Variants in SPOP observed in about 807,000 individuals in gnomAD.
SPOP encodes the protein speckle type BTB/POZ protein, also known as speckle-type POZ protein.
Under a neutral mutation model 45.6 loss-of-function variants are expected in SPOP, and 11 were observed. That is an observed-to-expected ratio of 0.24 (90% CI 0.15 to 0.40). The LOEUF (loss-of-function observed/expected upper bound fraction) is 0.40, where lower values mean the gene tolerates loss of function less well. Among genes scored for constraint, SPOP ranks in the 10% least tolerant of loss-of-function variants. SPOP has a pLI of 1.00. For missense variants in SPOP, 152 were observed against 465.6 expected (o/e 0.33, Z 6.20); for synonymous variants, 166 against 166.3 (o/e 1.00, Z 0.01).
chr17:49,629,498 A>G (rs2072408336), intron 1 of SPOP, among the ~76,000 whole-genome samples: 1 of 152,204 alleles, frequency 6.6e-6, no homozygotes, highest in African/African-American at 2.4e-5. Flanking sequence ...TCAAGTATAT[A>G]TTTATTCTAC....
rs2071705496 is a variant in SPOP, at chr17:49,599,739, T to C, written c.*639A>G. 4.9e-6 allele frequency: 1 copy of C among 204,062 alleles called. No homozygotes were observed. Among genetic ancestry groups the C allele is most frequent in the Non-Finnish European group, 1.0e-5 (1 of 99,442 alleles). 12.6% of individuals were successfully genotyped at this position (204,062 alleles called of 1,614,324 possible). Reference sequence around the variant, plus strand: ...TCCAGATCAAATAACCTTCCCCTTTTGCCTTCACTTGTCATTTTTCATAAA... The same window carrying C: ...TCCAGATCAAATAACCTTCCCCTTTCGCCTTCACTTGTCATTTTTCATAAA... On this transcript the variant is annotated 3_prime_UTR_variant, in exon 10 of 10. Transcript: ENST00000504102.
intron 1 of SPOP, among the ~76,000 whole-genome samples, chr17:49,663,150 A>T (rs370053820): frequency 1.2e-4 from 18 of 152,320 alleles, no homozygotes; most frequent in South Asian, 8.3e-4. Context: ...AGGAGGTGAG[A>T]GGTGGACGGG....
intron 1 of SPOP, among the ~76,000 whole-genome samples, chr17:49,626,789 T>C (rs891984323): frequency 6.6e-6 from 1 of 152,340 alleles, no homozygotes; most frequent in East Asian, 1.9e-4. Context: ...AGTTGCACTT[T>C]CACAGAGTAA....
Position 49,607,349 on chromosome 17 carries a change from C to T in SPOP, c.738G>A (p.Val246=), listed in dbSNP as rs546426832. 9.9e-6 allele frequency: 16 copies of T among 1,613,678 alleles called. No homozygotes were observed. In the Admixed American group the frequency reaches 2.7e-4, roughly 27 times the overall value. The change falls in exon 8 of 10, where the codon GTG becomes GTA. Residue 246 remains valine (V), a synonymous_variant. Transcript: ENST00000504102. ...SKKNRVEIND[V]EPEVFKEMMC... is the part of the protein sequence containing the mutation. ...TCATTTCCTTAAAAACTTCAGGCTC[C>T]ACATCATTGATTTCAACTCGATTCT... is the stretch of plus-strand genomic sequence containing the variant.
At chr17:49,673,802 A>G (rs1335536135) in intron 1 of SPOP, among the ~76,000 whole-genome samples, 2 of 152,086 alleles carry the variant, frequency 1.3e-5, no homozygotes, top group African/African-American at 4.8e-5. Flanking sequence ...TCTGTTTTCT[A>G]ATTGTTCTCT....
intron 1 of SPOP, among the ~76,000 whole-genome samples, chr17:49,655,165 T>G (rs1481845400): frequency 2.0e-5 from 3 of 152,204 alleles, no homozygotes; most frequent in Non-Finnish European, 4.4e-5. Flanking sequence ...GTTCTCAATT[T>G]TCCATATTAA....
At chr17:49,652,839 A>G (rs1056304184) in intron 1 of SPOP, among the ~76,000 whole-genome samples, 1 of 152,194 alleles carries the variant, frequency 6.6e-6, no homozygotes, top group African/African-American at 2.4e-5. Flanking sequence ...TGGGCCCCTC[A>G]AAGTTACAAA....
chr17:49,657,581 T>C (rs1486031411), intron 1 of SPOP, among the ~76,000 whole-genome samples: 3 of 151,610 alleles, frequency 2.0e-5, no homozygotes, highest in Non-Finnish European at 2.9e-5. Context: ...GTATTTTTAA[T>C]AGGGACGGGG....
In SPOP at chr17:49,677,924, C is replaced by G; in HGVS notation, c.-67+9G>C. 2.5e-6 allele frequency: 1 copy of G among 393,400 alleles called. No individual in the cohort carries two copies. Among genetic ancestry groups the G allele is most frequent in the Non-Finnish European group, 4.5e-6 (1 of 222,954 alleles). 24.4% of individuals were successfully genotyped at this position (393,400 alleles called of 1,614,324 possible). On this transcript the variant is annotated intron_variant, in intron 1 of 9. Transcript: ENST00000504102. ...AACCCCCTCCCTCGACTCTCCTCCC[C>G]CCACTCACCTGAGAGCGGCGGCGAC...
At chr17:49,624,990 T>C (rs2072300966) in intron 1 of SPOP, among the ~76,000 whole-genome samples, 1 of 152,162 alleles carries the variant, frequency 6.6e-6, no homozygotes, top group South Asian at 2.1e-4. Flanking sequence ...CTTTTAACAA[T>C]ACATGTGCTA....
chr17:49,613,414 A>G (rs2072018517), intron 5 of SPOP, among the ~76,000 whole-genome samples: 2 of 152,258 alleles, frequency 1.3e-5, no homozygotes, highest in African/African-American at 4.8e-5. Context: ...AACCAGGTTG[A>G]CAGGAGCCCA....
At chr17:49,659,971 A>G (rs2072965247) in intron 1 of SPOP, among the ~76,000 whole-genome samples, 1 of 152,160 alleles carries the variant, frequency 6.6e-6, no homozygotes, top group African/African-American at 2.4e-5. Context: ...AATTAAATGA[A>G]TTCTTTCTTT....
At chr17:49,677,904 C>T (rs2073226177) in intron 1 of SPOP, 29 bp downstream of exon 1, 8 of 374,120 alleles carry the variant, frequency 2.1e-5, no homozygotes, top group Non-Finnish European at 2.8e-5. Flanking sequence ...AGGACAACCC[C>T]CTCCCTCGAC....
chr17:49,664,960 T>C (rs751677888), intron 1 of SPOP, among the ~76,000 whole-genome samples: 2 of 152,228 alleles, frequency 1.3e-5, no homozygotes, highest in Non-Finnish European at 2.9e-5. Flanking sequence ...TCCCCTGGCT[T>C]ATGTTTTTTT....
At chr17:49,607,602 CCTTT>C (rs1234370461) in intron 7 of SPOP, among the ~76,000 whole-genome samples, 2 of 152,104 alleles carry the variant, frequency 1.3e-5, no homozygotes, top group East Asian at 1.9e-4. Context: ...GATTTTTTCA[CCTTT>C]CTTTTCCTCA....
At chr17:49,674,801 T>A (rs1470176222) in intron 1 of SPOP, among the ~76,000 whole-genome samples, 2 of 152,232 alleles carry the variant, frequency 1.3e-5, no homozygotes, top group African/African-American at 4.8e-5. Context: ...TTTTTATGTC[T>A]TCCTAGCATT....
At chr17:49,647,011 C>T (rs1389435994) in intron 1 of SPOP, among the ~76,000 whole-genome samples, 1 of 151,906 alleles carries the variant, frequency 6.6e-6, no homozygotes, top group Non-Finnish European at 1.5e-5. Context: ...TTCTTTTGGC[C>T]GGGCAAGGTG....
chr17:49,600,128 C>T lies in SPOP; in HGVS notation c.*250G>A, dbSNP rs187597110. 140 of 524,860 alleles carry T rather than the reference C, an allele frequency of 2.7e-4. No homozygotes were observed. Among genetic ancestry groups the T allele is most frequent in the African/African-American group, 2.4e-3 (127 of 53,102 alleles). The allele number at this position is 524,860 out of a possible 1,614,324, so 32.5% of individuals were successfully genotyped here. A position where few individuals can be genotyped will look rare whatever the true frequency, so the allele number is the denominator to read the frequency against. ...CGGGCCAGCGCCTAAACTGAATCCC[C>T]ACAGTATCAAACTCAGCCAGGCCAA... is the stretch of plus-strand genomic sequence containing the variant. On this transcript the variant is annotated 3_prime_UTR_variant, in exon 10 of 10. Transcript: ENST00000504102. The surrounding 1 kb of genome is among the most constrained non-coding windows in gnomAD (Gnocchi z 4.2).
intron 1 of SPOP, among the ~76,000 whole-genome samples, chr17:49,663,401 G>C (rs1355960538): frequency 2.6e-5 from 4 of 152,178 alleles, no homozygotes; most frequent in African/African-American, 7.2e-5. Flanking sequence ...AAAAGGTTGG[G>C]GACCACTGCT....
Sources: allele counts gnomAD v4.1 joint callset (sites outside exome capture counted in the v4.1 genomes callset), GRCh38; gene constraint gnomAD v4.1.1; non-coding constraint Gnocchi (gnomAD v3.1); transcripts MANE v1.5; gene names NCBI Gene and HGNC (gene_info 2026-07-23, HGNC 2026-07-21).